CACNA1C: variants seen among roughly 807,000 people sequenced by gnomAD.
The protein encoded by CACNA1C is voltage-dependent L-type calcium channel subunit alpha-1C.
Under a neutral mutation model 229.0 loss-of-function variants are expected in CACNA1C, and 30 were observed. The observed-to-expected ratio is 0.13, with a 90% CI of 0.10 to 0.18. The LOEUF (loss-of-function observed/expected upper bound fraction) is 0.18. CACNA1C is among the 10% of genes least tolerant of loss of function. The pLI, the probability that CACNA1C is intolerant of heterozygous loss-of-function variation, is 1.00. For synonymous variants in CACNA1C, 1,114 were observed against 1,132.5 expected, an observed-to-expected ratio of 0.98 and a Z score of 0.33; for missense variants, 1,658 against 2,845.0, an observed-to-expected ratio of 0.58 and a Z score of 9.49.
intron 30 of CACNA1C, among the ~76,000 whole-genome samples, chr12:2,641,946 G>A (rs758636134): frequency 1.4e-3 from 215 of 152,120 alleles, no homozygotes; most frequent in Non-Finnish European, 2.6e-3. Context: ...CCTGGGAGGA[G>A]GCCGAATGCC....
At chr12:2,366,036 A>G (rs1442801628) in intron 3 of CACNA1C, among the ~76,000 whole-genome samples, 1 of 152,246 alleles carries the variant, frequency 6.6e-6, no homozygotes, top group Non-Finnish European at 1.5e-5. Flanking sequence ...TTAATTTTTA[A>G]TGTTCCAAGT....
intron 3 of CACNA1C, among the ~76,000 whole-genome samples, chr12:2,183,629 T>TC (rs766996268): frequency 6.6e-6 from 1 of 151,946 alleles, no homozygotes; most frequent in Non-Finnish European, 1.5e-5. Context: ...TGAAGATGCA[T>TC]CCTCTCATGG....
chr12:2,456,045 GAC>G (rs964532717), intron 4 of CACNA1C, among the ~76,000 whole-genome samples: 2 of 152,176 alleles, frequency 1.3e-5, no homozygotes, highest in African/African-American at 4.8e-5. Context: ...ACCAACTCAA[GAC>G]ATGCATTCGA....
intron 3 of CACNA1C, among the ~76,000 whole-genome samples, chr12:2,236,791 T>A (rs1436565556): frequency 6.6e-6 from 1 of 152,136 alleles, no homozygotes; most frequent in Non-Finnish European, 1.5e-5. Context: ...GTGAACCAAG[T>A]TCTCCTGAGA....
At chr12:2,490,976 C>G (rs958521812) in intron 6 of CACNA1C, among the ~76,000 whole-genome samples, 9 of 152,200 alleles carry the variant, frequency 5.9e-5, no homozygotes, top group African/African-American at 1.9e-4. Context: ...TAGCCCAAAC[C>G]TGGAAATAAT....
chr12:2,115,681 C>A, intron 2 of CACNA1C, 136 bp downstream of exon 2: 1 of 754,210 alleles, frequency 1.3e-6, no homozygotes, highest in South Asian at 1.7e-5. Flanking sequence ...GCATCTGCAT[C>A]ACTGGGGTGC....
intron 9 of CACNA1C, among the ~76,000 whole-genome samples, chr12:2,537,656 G>A (rs1452407055): frequency 2.6e-5 from 4 of 152,182 alleles, no homozygotes; most frequent in African/African-American, 7.2e-5. Context: ...GCACTTAAAA[G>A]GACACCACTA....
At chr12:2,176,448 C>T (rs2096647768) in intron 3 of CACNA1C, among the ~76,000 whole-genome samples, 1 of 152,018 alleles carries the variant, frequency 6.6e-6, no homozygotes, top group Non-Finnish European at 1.5e-5. Flanking sequence ...AAGGGTCCTG[C>T]TGGCCGCTTG....
chr12:2,100,588 A>G (rs2076003658), intron 1 of CACNA1C, among the ~76,000 whole-genome samples: 1 of 147,446 alleles, frequency 6.8e-6, no homozygotes, highest in African/African-American at 2.5e-5. Context: ...CTACCAAAAA[A>G]AAAAAAAAAA....
rs867850174 is a variant in CACNA1C, at chr12:2,360,181, A to T, written c.478-88795A>T. Among the ~76,000 whole-genome samples the T allele has an allele frequency of 5.2e-3, 135 of 25,896 alleles. 1 individual carries two copies. The highest frequency in any genetic ancestry group is 0.012 in the Non-Finnish European group (115 of 9,784). The allele number at this position is 25,896 out of a possible 152,430, so 17.0% of individuals were successfully genotyped here. On this transcript the variant is annotated intron_variant, in intron 3 of 46. Transcript: ENST00000399655. ...ACCCCCCCCCACCCCCCCACCCCAC[A>T]CACACACACACACACCCCACCCCAC...
intron 3 of CACNA1C, among the ~76,000 whole-genome samples, chr12:2,170,050 G>T (rs916491977): frequency 1.3e-5 from 2 of 152,266 alleles, no homozygotes; most frequent in African/African-American, 4.8e-5. Flanking sequence ...CTCTCTGCCT[G>T]GTTTTTTCCA....
At chr12:2,599,605 C>G (rs1601643722) in intron 21 of CACNA1C, among the ~76,000 whole-genome samples, 1 of 152,276 alleles carries the variant, frequency 6.6e-6, no homozygotes, top group East Asian at 1.9e-4. Flanking sequence ...CCAGGCAGAG[C>G]TAGCGAGCCA....
At chr12:2,020,846 T>G (rs2046321191) in intron 1 of CACNA1C, among the ~76,000 whole-genome samples, 1 of 152,194 alleles carries the variant, frequency 6.6e-6, no homozygotes, top group Non-Finnish European at 1.5e-5. Context: ...TTGAATGCCC[T>G]TGGCCATGAA....
chr12:2,157,417 G>A (rs553478659), intron 3 of CACNA1C, among the ~76,000 whole-genome samples: 23 of 152,208 alleles, frequency 1.5e-4, no homozygotes, highest in Non-Finnish European at 2.9e-4. Context: ...TCTGCATGGG[G>A]GCACCACTGG....
chr12:1,999,908 C>CA (rs1365059268), intron 1 of CACNA1C, among the ~76,000 whole-genome samples: 70 of 152,232 alleles, frequency 4.6e-4, no homozygotes, highest in African/African-American at 1.6e-3. Context: ...TGCCCCTGTA[C>CA]TTTGAAAAAT....
chr12:2,360,702 C>T (rs887211137), intron 3 of CACNA1C, among the ~76,000 whole-genome samples: 3 of 152,228 alleles, frequency 2.0e-5, no homozygotes, highest in African/African-American at 4.8e-5. Flanking sequence ...AGGAGACACC[C>T]GGACTGGACA....
rs143399962 is a variant in CACNA1C at position 2,362,394 on chromosome 12, G to A, written c.478-86582G>A. Among the ~76,000 whole-genome samples, 10 of 152,238 alleles carry A rather than the reference G, an allele frequency of 6.6e-5. No individual in the cohort carries two copies. In the South Asian group the frequency reaches 8.3e-4, roughly 13 times the overall value. ...CTTCACTCACGTGGGCCTGTGGCTC[G>A]GGATACTTCCCTTCTCCTTTACTCC... On this transcript the variant is annotated intron_variant, in intron 3 of 46. Transcript: ENST00000399655.
chr12:2,253,086 C>T (rs1253976753), intron 3 of CACNA1C, among the ~76,000 whole-genome samples: 1 of 152,160 alleles, frequency 6.6e-6, no homozygotes, highest in Non-Finnish European at 1.5e-5. Flanking sequence ...GAGAAGTGAC[C>T]TATCTGACTG....
At chr12:2,303,776 G>A (rs1159808513) in intron 3 of CACNA1C, among the ~76,000 whole-genome samples, 1 of 152,172 alleles carries the variant, frequency 6.6e-6, no homozygotes, top group African/African-American at 2.4e-5. Context: ...CGGAGTGGGC[G>A]CCGGGTGGAA....
Sources: gnomAD v4.1 joint callset for allele counts (sites outside exome capture counted in the v4.1 genomes callset) on GRCh38, gnomAD v4.1.1 for gene constraint, MANE v1.5 for transcripts, NCBI Gene and HGNC (gene_info 2026-07-23, HGNC 2026-07-21) for gene names.